BTC: variants seen among roughly 807,000 people sequenced by gnomAD.
BTC encodes probetacellulin.
In BTC, 13 loss-of-function variants were observed where a neutral mutation model predicts 18.1. That is an observed-to-expected ratio of 0.72 (90% CI 0.47 to 1.14). The LOEUF is 1.14. BTC is among the 50% of genes most tolerant of loss of function. The pLI is 0.00. For synonymous variants in BTC, 83 were observed against 79.4 expected, an observed-to-expected ratio of 1.05 and a Z score of -0.24; for missense variants, 247 against 224.2, an observed-to-expected ratio of 1.10 and a Z score of -0.65.
intron 4 of BTC, 128 bp downstream of exon 4, chr4:74,750,445 G>A (rs1553956018): frequency 3.1e-6 from 3 of 955,144 alleles, no homozygotes; most frequent in Non-Finnish European, 4.6e-6. Context: ...CAATGGCAAA[G>A]CTCAAAAAGT....
chr4:74,784,637 G>T (rs570817083), intron 1 of BTC, among the ~76,000 whole-genome samples: 24 of 152,132 alleles, frequency 1.6e-4, no homozygotes, highest in Non-Finnish European at 3.4e-4. Context: ...AACACGAAGG[G>T]ATGTTGAATT....
At chr4:74,749,819 G>C (rs1476504447) in intron 4 of BTC, among the ~76,000 whole-genome samples, 2 of 149,570 alleles carry the variant, frequency 1.3e-5, no homozygotes, top group African/African-American at 4.9e-5. Flanking sequence ...CCCAGGACCA[G>C]GTACAGTGGC....
Position 74,755,930 on chromosome 4 carries a change from G to A in BTC, c.210C>T (p.Pro70=). The change falls in exon 3 of 6, where the codon CCC becomes CCT. Residue 70 remains proline, a synonymous_variant. Coordinates refer to ENST00000395743, the MANE Select transcript of BTC (RefSeq NM_001729.4). ...SKRKGHFSRC[P]KQYKHYCIKG... ...TGATGCAGTAATGCTTGTATTGCTT[G>A]GGGCACCTAGAGAAGTGGCCTTTCC... 1.2e-6 allele frequency: 2 copies of A among 1,614,146 alleles called. No individual in the cohort carries two copies. Among genetic ancestry groups the A allele is most frequent in the Non-Finnish European group, 1.7e-6 (2 of 1,180,016 alleles).
At chr4:74,775,125 G>A (rs376398651) in intron 1 of BTC, among the ~76,000 whole-genome samples, 23 of 152,282 alleles carry the variant, frequency 1.5e-4, no homozygotes, top group African/African-American at 4.8e-4. Flanking sequence ...CACTGAGTTT[G>A]AGATGACTGT....
chr4:74,786,113 C>T (rs905857177), intron 1 of BTC, among the ~76,000 whole-genome samples: 12 of 152,160 alleles, frequency 7.9e-5, no homozygotes, highest in African/African-American at 2.7e-4. Context: ...GTAGTAACAT[C>T]CTGTGTCTGT....
chr4:74,761,477 C>G (rs1419259233), intron 2 of BTC, among the ~76,000 whole-genome samples: 2 of 152,200 alleles, frequency 1.3e-5, no homozygotes, highest in Non-Finnish European at 2.9e-5. Flanking sequence ...TTTACATCAT[C>G]CCTCACTCCC....
chr4:74,781,393 G>GTA, intron 1 of BTC, among the ~76,000 whole-genome samples: 1 of 146,630 alleles, frequency 6.8e-6, no homozygotes, highest in Middle Eastern at 3.4e-3. Context: ...ACGTGTGTGT[G>GTA]TGTGTGTGTG....
At chr4:74,789,783 A>G (rs1725573714) in intron 1 of BTC, among the ~76,000 whole-genome samples, 1 of 152,236 alleles carries the variant, frequency 6.6e-6, no homozygotes, top group Non-Finnish European at 1.5e-5. Flanking sequence ...AATTATTTAT[A>G]TAATTCAAAT....
chr4:74,751,581 G>T (rs1400491681), intron 3 of BTC, among the ~76,000 whole-genome samples: 1 of 152,014 alleles, frequency 6.6e-6, no homozygotes, highest in Non-Finnish European at 1.5e-5. Flanking sequence ...ATCTGCCTTA[G>T]GATACATCTA....
chr4:74,756,310 G>C (rs1405139871), intron 2 of BTC, among the ~76,000 whole-genome samples: 6 of 152,154 alleles, frequency 3.9e-5, no homozygotes, highest in Non-Finnish European at 8.8e-5. Context: ...AGCCACACTA[G>C]AGAAGAGAGG....
chr4:74,787,411 C>T (rs1426851867), intron 1 of BTC, among the ~76,000 whole-genome samples: 1 of 152,154 alleles, frequency 6.6e-6, no homozygotes, highest in Non-Finnish European at 1.5e-5. Flanking sequence ...TCCCTCCAAC[C>T]ATCTAAAAAG....
At position 74,752,379 on chromosome 4, in the gene BTC, CT is replaced by C. The variant is rs5859439; in HGVS notation, c.282-1661del. On this transcript the variant is annotated intron_variant, in intron 3 of 5. Transcript: ENST00000395743. Reference sequence around the variant, plus strand: ...ACCAAAACTAGGGATGGGGGAATCACTTTTTTTTTTTTTTTTTTGAGACGGT... The same window carrying C: ...ACCAAAACTAGGGATGGGGGAATCACTTTTTTTTTTTTTTTTTGAGACGGT... 4.5e-3 allele frequency among the ~76,000 whole-genome samples: 599 copies of C among 133,232 alleles called. 3 individuals are homozygous for C. Among genetic ancestry groups the C allele is most frequent in the African/African-American group, 0.012 (427 of 36,188 alleles). 87.4% of individuals were successfully genotyped at this position (133,232 alleles called of 152,430 possible).
chr4:74,771,089 T>C (rs116707841), intron 1 of BTC, among the ~76,000 whole-genome samples: 13 of 152,032 alleles, frequency 8.6e-5, no homozygotes, highest in African/African-American at 2.7e-4. Flanking sequence ...TGATGGTGGG[T>C]ATATCAAGGT....
At chr4:74,750,037 A>G (rs1724417444) in intron 4 of BTC, among the ~76,000 whole-genome samples, 2 of 151,992 alleles carry the variant, frequency 1.3e-5, no homozygotes, top group South Asian at 4.2e-4. Context: ...TTGAGGCTGC[A>G]GTGAGCTATG....
intron 1 of BTC, among the ~76,000 whole-genome samples, chr4:74,793,936 C>T (rs111824955): frequency 0.043 from 6,546 of 151,198 alleles, 199 homozygotes; most frequent in South Asian, 0.13. Context: ...GTGGACAGCC[C>T]GCCGGCGCCG....
intron 2 of BTC, among the ~76,000 whole-genome samples, chr4:74,759,980 T>C (rs1553957126): frequency 6.6e-6 from 1 of 152,200 alleles, no homozygotes; most frequent in East Asian, 1.9e-4. Context: ...CTCAAGACAA[T>C]TGTGATGCCT....
intron 1 of BTC, among the ~76,000 whole-genome samples, chr4:74,790,666 C>A (rs996861732): frequency 6.6e-6 from 1 of 152,178 alleles, no homozygotes; most frequent in South Asian, 2.1e-4. Context: ...GAGTCACCCA[C>A]AAATTCAAGG....
chr4:74,790,653 C>G (rs73825053), intron 1 of BTC, among the ~76,000 whole-genome samples: 1 of 152,176 alleles, frequency 6.6e-6, no homozygotes, highest in African/African-American at 2.4e-5. Context: ...GGAGAATATA[C>G]AGGAGTCACC....
At chr4:74,791,010 C>T (rs546492960) in intron 1 of BTC, among the ~76,000 whole-genome samples, 19 of 152,296 alleles carry the variant, frequency 1.2e-4, no homozygotes, top group South Asian at 4.1e-4. Context: ...TTATATGCAA[C>T]GCAACGTCTC....
Sources: gnomAD v4.1 joint callset for allele counts (sites outside exome capture counted in the v4.1 genomes callset) on GRCh38, gnomAD v4.1.1 for gene constraint, MANE v1.5 for transcripts, NCBI Gene and HGNC (gene_info 2026-07-23, HGNC 2026-07-21) for gene names.